ATXN10: variants seen among roughly 807,000 people sequenced by gnomAD.
ATXN10 encodes the protein ataxin-10.
Under a neutral mutation model 52.9 loss-of-function variants are expected in ATXN10, and 28 were observed. That is an observed-to-expected ratio of 0.53 (90% CI 0.39 to 0.73). The LOEUF (loss-of-function observed/expected upper bound fraction) is 0.73. Ranked by LOEUF, ATXN10 falls within the 30% of genes least tolerant of loss-of-function variation. The pLI is 0.00. For missense variants in ATXN10, 565 were observed against 577.0 expected (o/e 0.98, Z 0.21); for synonymous variants, 226 against 221.5 (o/e 1.02, Z -0.18).
rs1326488349 is a variant in ATXN10 at position 45,763,504 on chromosome 22, G to C, written c.1173+22966G>C. Among the ~76,000 whole-genome samples, 1 of 152,158 alleles carries C rather than the reference G, an allele frequency of 6.6e-6. No individual in the cohort carries two copies. The highest frequency in any genetic ancestry group is 2.4e-5 in the African/African-American group (1 of 41,408). ...CAGCCCCAGGTCTGCAGAGTGTGTG[G>C]CTGCTGCACCCTCAGGTGTTTGCTC... On this transcript the variant is annotated intron_variant, in intron 9 of 11. Coordinates refer to ENST00000252934, the MANE Select transcript of ATXN10 (RefSeq NM_013236.4). The surrounding 1 kb of genome is among the most constrained non-coding windows in gnomAD (Gnocchi z 6.9).
intron 9 of ATXN10, among the ~76,000 whole-genome samples, chr22:45,773,725 T>A (rs1926855250): frequency 6.6e-6 from 1 of 152,172 alleles, no homozygotes; most frequent in South Asian, 2.1e-4. Flanking sequence ...CCCAAAATGC[T>A]GGGATTACAG....
At chr22:45,711,782 C>T (rs1172133968) in intron 5 of ATXN10, among the ~76,000 whole-genome samples, 2 of 152,188 alleles carry the variant, frequency 1.3e-5, no homozygotes, top group Non-Finnish European at 2.9e-5. Flanking sequence ...TAAAACATTT[C>T]TTTCTGATTG....
rs1928790451 is a variant in ATXN10, at chr22:45,825,667, A to G, written c.1238-17324A>G. ...AGAAACAGGAAAGTAGGCCCATTCA[A>G]GGGGGAAAAAATGAAACAAACAGAA... On this transcript the variant is annotated intron_variant, in intron 10 of 11. Transcript: ENST00000252934. This position sits in a 1 kb window ranked among gnomAD's most constrained non-coding sequence, Gnocchi z 4.5. Among the ~76,000 whole-genome samples, 1 of 152,212 alleles carries G rather than the reference A, an allele frequency of 6.6e-6. No individual in the cohort carries two copies. The highest frequency in any genetic ancestry group is 2.4e-5 in the African/African-American group (1 of 41,442).
intron 10 of ATXN10, among the ~76,000 whole-genome samples, chr22:45,838,667 C>T (rs988622631): frequency 2.0e-5 from 3 of 152,190 alleles, no homozygotes; most frequent in Non-Finnish European, 4.4e-5. Flanking sequence ...TAATCTCTCT[C>T]GTGACACTTC....
At chr22:45,734,200 G>T (rs1417713612) in intron 7 of ATXN10, among the ~76,000 whole-genome samples, 1 of 152,086 alleles carries the variant, frequency 6.6e-6, no homozygotes, top group Non-Finnish European at 1.5e-5. Context: ...AGAATTATGT[G>T]TATTTAAAAA....
At chr22:45,773,912 A>C (rs1365046470) in intron 9 of ATXN10, among the ~76,000 whole-genome samples, 1 of 152,260 alleles carries the variant, frequency 6.6e-6, no homozygotes, top group African/African-American at 2.4e-5. Context: ...GGGTTTATCC[A>C]CAGGTGTATT....
intron 6 of ATXN10, among the ~76,000 whole-genome samples, chr22:45,720,034 A>AAT (rs1924589684): frequency 6.6e-6 from 1 of 152,226 alleles, no homozygotes; most frequent in Non-Finnish European, 1.5e-5. Flanking sequence ...TGAATGAATG[A>AAT]ATATTCTTAC....
intron 9 of ATXN10, chr22:45,760,437 A>G (rs1926343809): frequency 6.5e-6 from 1 of 154,166 alleles, no homozygotes; most frequent in African/African-American, 2.4e-5. Context: ...CAGTGGAGTC[A>G]GAGGCAGTCC....
rs930700594 is a variant in ATXN10, at chr22:45,763,460, G to A, written c.1173+22922G>A. On this transcript the variant is annotated intron_variant, in intron 9 of 11. Transcript: ENST00000252934. This position sits in a 1 kb window ranked among gnomAD's most constrained non-coding sequence, Gnocchi z 6.9. ...CAGGCGGCTCCTTGCCTGAGCCTCTGTGCTTGCGCTCCTCTCCCCAGCCCC... is the reference window on the plus strand; with the variant it reads ...CAGGCGGCTCCTTGCCTGAGCCTCTATGCTTGCGCTCCTCTCCCCAGCCCC... Among the ~76,000 whole-genome samples the A allele has an allele frequency of 6.6e-6, 1 of 152,202 alleles. No homozygotes were observed. Among genetic ancestry groups the A allele is most frequent in the African/African-American group, 2.4e-5 (1 of 41,452 alleles).
At position 45,787,959 on chromosome 22, in the gene ATXN10, G is replaced by T. The variant is rs1406049384; in HGVS notation, c.1174-19000G>T. Among the ~76,000 whole-genome samples, 2 of 152,094 alleles carry T rather than the reference G, an allele frequency of 1.3e-5. No individual in the cohort carries two copies. The highest frequency in any genetic ancestry group is 4.8e-5 in the African/African-American group (2 of 41,416). On this transcript the variant is annotated intron_variant, in intron 9 of 11. Transcript: ENST00000252934. This position sits in a 1 kb window ranked among gnomAD's most constrained non-coding sequence, Gnocchi z 4.2. ...CATTTGCCTACAATATTTAGTGTGGGATTACTCAAATCTTTTGGTTGAGTA... is the reference window on the plus strand; with the variant it reads ...CATTTGCCTACAATATTTAGTGTGGTATTACTCAAATCTTTTGGTTGAGTA...
In ATXN10 at chr22:45,828,989, A is replaced by G. The variant is rs572066351; in HGVS notation, c.1238-14002A>G. On this transcript the variant is annotated intron_variant, in intron 10 of 11. Transcript: ENST00000252934. This position sits in a 1 kb window ranked among gnomAD's most constrained non-coding sequence, Gnocchi z 4.5. ...CTAAAGACCAACATCCTTTATGAAC[A>G]TGAATTTAACAGCATACTAAAAGAA... is the stretch of plus-strand genomic sequence containing the variant. Among the ~76,000 whole-genome samples, 6 of 152,328 alleles carry G rather than the reference A, an allele frequency of 3.9e-5. No individual in the cohort carries two copies. In the East Asian group the frequency reaches 5.8e-4, roughly 15 times the overall value.
chr22:45,769,070 C>T lies in ATXN10; in HGVS notation c.1173+28532C>T, dbSNP rs1466041341. Among the ~76,000 whole-genome samples, 5 of 151,178 alleles carry T rather than the reference C, an allele frequency of 3.3e-5. No individual in the cohort carries two copies. Among genetic ancestry groups the T allele is most frequent in the East Asian group, 2.0e-4 (1 of 5,108 alleles). ...TTGACAACATGGTGGTTTCTGAAGC[C>T]GAATGTTGGGTGTGTGAGTATGTAT... On this transcript the variant is annotated intron_variant, in intron 9 of 11. Transcript: ENST00000252934. The surrounding 1 kb of genome is among the most constrained non-coding windows in gnomAD (Gnocchi z 4.2).
chr22:45,754,709 G>A lies in ATXN10; in HGVS notation c.1173+14171G>A, dbSNP rs1926113402. Among the ~76,000 whole-genome samples the A allele has an allele frequency of 6.6e-6, 1 of 152,168 alleles. No homozygotes were observed. The highest frequency in any genetic ancestry group is 2.4e-5 in the African/African-American group (1 of 41,436). ...CTCTACTAAAAATACAAAAAAATTA[G>A]CCAGATATGGTGGCTCATGCCTGTA... On this transcript the variant is annotated intron_variant, in intron 9 of 11. Coordinates refer to ENST00000252934, the MANE Select transcript of ATXN10 (RefSeq NM_013236.4). The surrounding 1 kb of genome is among the most constrained non-coding windows in gnomAD (Gnocchi z 5.4).
At position 45,757,016 on chromosome 22, in the gene ATXN10, A is replaced by C. The variant is rs1428940091; in HGVS notation, c.1173+16478A>C. 2.6e-5 allele frequency among the ~76,000 whole-genome samples: 4 copies of C among 152,092 alleles called. No homozygotes were observed. Among genetic ancestry groups the C allele is most frequent in the African/African-American group, 9.7e-5 (4 of 41,424 alleles). On this transcript the variant is annotated intron_variant, in intron 9 of 11. Transcript: ENST00000252934. The surrounding 1 kb of genome is among the most constrained non-coding windows in gnomAD (Gnocchi z 4.6). ...AGGAAGAGGGAAGGAGTGGAGAAGAACCAGACGAGAGACACGGTTCCAGAT... is the reference window on the plus strand; with the variant it reads ...AGGAAGAGGGAAGGAGTGGAGAAGACCCAGACGAGAGACACGGTTCCAGAT...
chr22:45,797,297 A>T lies in ATXN10; in HGVS notation c.1174-9662A>T, dbSNP rs141098289. On this transcript the variant is annotated intron_variant, in intron 9 of 11. Transcript: ENST00000252934. ...TCCAGTACACATAGAACATTCACCA[A>T]GACAGACCATATGCTGGGGCCATAA... Among the ~76,000 whole-genome samples the T allele has an allele frequency of 3.7e-3, 567 of 152,346 alleles. 10 individuals carry two copies. The highest frequency in any genetic ancestry group is 0.013 in the Admixed American group (195 of 15,312).
chr22:45,806,855 T>C, intron 9 of ATXN10, 104 bp from the exon 10 acceptor site: 1 of 877,580 alleles, frequency 1.1e-6, no homozygotes, highest in Non-Finnish European at 1.9e-6. Flanking sequence ...GTGCAAACAA[T>C]ATTATAACAT....
rs554009007 is a variant in ATXN10 at position 45,702,781 on chromosome 22, A to T, written c.581A>T (p.Glu194Val). 3 of 1,614,090 alleles carry T rather than the reference A, an allele frequency of 1.9e-6. No individual in the cohort carries two copies. In the African/African-American group the frequency reaches 4.0e-5, roughly 22 times the overall value. ...SLNHERMKEL[E>V]ENLNIAIDVI... is the part of the protein sequence containing the mutation. ...AATCATGAAAGAATGAAAGAACTGG[A>T]GGAGAACCTCAATATTGCAATTGAT... Residue 194 changes from glutamate to valine, a missense_variant, in exon 5 of 12, where the codon GAG becomes GTG. Coordinates refer to ENST00000252934, the MANE Select transcript of ATXN10 (RefSeq NM_013236.4).
intron 10 of ATXN10, among the ~76,000 whole-genome samples, chr22:45,821,762 C>G (rs1928657677): frequency 1.3e-5 from 2 of 152,108 alleles, no homozygotes; most frequent in South Asian, 4.2e-4. Context: ...TGGCAGATCC[C>G]CCTCACACTT....
chr22:45,688,927 C>G lies in ATXN10; in HGVS notation c.117-785C>G, dbSNP rs1414814143. On this transcript the variant is annotated intron_variant, in intron 1 of 11. Transcript: ENST00000252934. The surrounding 1 kb of genome is among the most constrained non-coding windows in gnomAD (Gnocchi z 4.0). ...GCAATGTTGCACAAAAAATTCTTAT[C>G]TTTAGAGCTCTGGAATGATAGCCAG... is the stretch of plus-strand genomic sequence containing the variant. Among the ~76,000 whole-genome samples, 1 of 152,166 alleles carries G rather than the reference C, an allele frequency of 6.6e-6. No individual in the cohort carries two copies. The highest frequency in any genetic ancestry group is 1.9e-4 in the East Asian group (1 of 5,200).
Sources: gnomAD v4.1 joint callset for allele counts (sites outside exome capture counted in the v4.1 genomes callset) on GRCh38, gnomAD v4.1.1 for gene constraint, Gnocchi (gnomAD v3.1) non-coding constraint, MANE v1.5 for transcripts, NCBI Gene and HGNC (gene_info 2026-07-23, HGNC 2026-07-21) for gene names.